The following WDR1 variants were observed in gnomAD, a reference collection of about 807,000 sequenced individuals.
WDR1 encodes the protein WD repeat domain 1, also known as WD repeat-containing protein 1.
A neutral mutation model predicts 71.9 loss-of-function variants in WDR1; 21 were observed. The observed-to-expected ratio is 0.29, with a 90% confidence interval of 0.21 to 0.42. WDR1 has a LOEUF of 0.42. WDR1 is among the 10% of genes least tolerant of loss of function. The pLI is 1.00. For missense variants in WDR1, 696 were observed against 824.5 expected, an observed-to-expected ratio of 0.84 and a Z score of 1.91; for synonymous variants, 424 against 347.4, an observed-to-expected ratio of 1.22 and a Z score of -2.45.
At chr4:10,099,510 C>G (rs1391950614) in intron 3 of WDR1, among the ~76,000 whole-genome samples, 1 of 152,268 alleles carries the variant, frequency 6.6e-6, no homozygotes, top group African/African-American at 2.4e-5. Context: ...CACTGTGTTT[C>G]TTTTCTTGTA....
intron 8 of WDR1, 37 bp from the exon 9 acceptor site, chr4:10,084,567 C>G (rs754147381): frequency 6.3e-7 from 1 of 1,589,042 alleles, no homozygotes; most frequent in Non-Finnish European, 8.6e-7. Flanking sequence ...AAGCTGATGA[C>G]ACACTGCCCT....
At chr4:10,088,850 A>C (rs1711776679) in intron 5 of WDR1, 109 bp from the exon 6 acceptor site, 1 of 860,124 alleles carries the variant, frequency 1.2e-6, no homozygotes, top group Non-Finnish European at 1.9e-6. Flanking sequence ...ATCAGTGTGA[A>C]CTGTTAGTCC....
At chr4:10,091,119 G>A (rs993186337) in intron 5 of WDR1, among the ~76,000 whole-genome samples, 1 of 152,254 alleles carries the variant, frequency 6.6e-6, no homozygotes, top group Admixed American at 6.5e-5. Flanking sequence ...GTACCCAGGC[G>A]GGCCCAGGGC....
chr4:10,096,348 C>T (rs1361174320), intron 5 of WDR1: 2 of 152,312 alleles, frequency 1.3e-5, no homozygotes, highest in East Asian at 3.8e-4. Flanking sequence ...TGCCTCCACC[C>T]TAGCGAAGAA....
At chr4:10,100,216 G>GGGCA (rs1412139745) in intron 3 of WDR1, among the ~76,000 whole-genome samples, 1 of 152,210 alleles carries the variant, frequency 6.6e-6, no homozygotes, top group Non-Finnish European at 1.5e-5. Flanking sequence ...GCTCAAAGGA[G>GGGCA]GGCAGCAGCT....
At chr4:10,084,565 G>A (rs1346645066) in intron 8 of WDR1, 35 bp from the exon 9 acceptor site, 3 of 1,594,940 alleles carry the variant, frequency 1.9e-6, no homozygotes, top group South Asian at 1.1e-5. Flanking sequence ...GTAAGCTGAT[G>A]ACACACTGCC....
intron 2 of WDR1, chr4:10,115,789 A>C: frequency 4.4e-6 from 1 of 228,850 alleles, no homozygotes; most frequent in South Asian, 7.1e-5. Context: ...GAATGAACTA[A>C]TCTAATCTCC....
Position 10,116,753 on chromosome 4 carries a change from C to A in WDR1, c.-87G>T, listed in dbSNP as rs11557743. On this transcript the variant is annotated 5_prime_UTR_variant, in exon 1 of 15. Transcript: ENST00000499869. ...AATTACACCTCGCCGAGGCCGAGCC[C>A]GGGGACTGGAGCCGGAAGGCGGCAC... 3.4e-4 allele frequency: 421 copies of A among 1,246,610 alleles called. 7 individuals carry two copies. The South Asian group carries it at 9.9e-3, about 29-fold the overall frequency. The allele number at this position is 1,246,610 out of a possible 1,614,324, so 77.2% of individuals were successfully genotyped here.
chr4:10,078,408 G>A (rs1021774001), intron 12 of WDR1, among the ~76,000 whole-genome samples: 1 of 152,208 alleles, frequency 6.6e-6, no homozygotes, highest in Non-Finnish European at 1.5e-5. Flanking sequence ...TGAGAATTAT[G>A]CCGAGGCAGA....
At chr4:10,091,299 GT>G in intron 5 of WDR1, among the ~76,000 whole-genome samples, 1 of 152,300 alleles carries the variant, frequency 6.6e-6, no homozygotes, top group African/African-American at 2.4e-5. Context: ...AATGGTCTGT[GT>G]TCTAAGTTTT....
chr4:10,097,694 A>G lies in WDR1; in HGVS notation c.558+17T>C, dbSNP rs778528162. 4.4e-5 allele frequency: 70 copies of G among 1,601,064 alleles called. No individual in the cohort carries two copies. The Admixed American group carries it at 5.4e-4, about 12-fold the overall frequency. ...TGTACAAACCACAAATTTCACCCAA[A>G]AAGTAAGTTCACTTACGCCAATTGT... On this transcript the variant is annotated intron_variant, in intron 5 of 14. Transcript: ENST00000499869.
chr4:10,101,641 G>T (rs1223568528), intron 3 of WDR1, among the ~76,000 whole-genome samples: 1 of 152,216 alleles, frequency 6.6e-6, no homozygotes, highest in African/African-American at 2.4e-5. Context: ...TCTGTCCTTT[G>T]CAACAGTCTC....
chr4:10,099,170 G>GGGGGGGGT, intron 3 of WDR1, 31 bp from the exon 4 acceptor site: 1 of 802,002 alleles, frequency 1.2e-6, no homozygotes, highest in Non-Finnish European at 2.0e-6. Context: ...GGGAGGGGGG[G>GGGGGGGGT]AGGCGGTGGT....
intron 5 of WDR1, 43 bp downstream of exon 5, chr4:10,097,668 A>G: frequency 6.3e-7 from 1 of 1,584,232 alleles, no homozygotes; most frequent in South Asian, 1.2e-5. Flanking sequence ...TGCTAGCCTC[A>G]TGTACAAACC....
rs900368507 is a variant in WDR1 at position 10,083,291 on chromosome 4, G to A, written c.1040-113C>T. 1.6e-5 allele frequency: 22 copies of A among 1,339,588 alleles called. No individual in the cohort carries two copies. The African/African-American group carries it at 2.1e-4, about 12-fold the overall frequency. 83.0% of individuals were successfully genotyped at this position (1,339,588 alleles called of 1,614,324 possible). ...CAAGAATGAGAATCTCGCCGCAAACGGACATAACCATTCCCCCTGGGAAGC... is the reference window on the plus strand; with the variant it reads ...CAAGAATGAGAATCTCGCCGCAAACAGACATAACCATTCCCCCTGGGAAGC... On this transcript the variant is annotated intron_variant, in intron 9 of 14. Coordinates refer to ENST00000499869, the MANE Select transcript of WDR1 (RefSeq NM_017491.5).
At chr4:10,104,213 G>A (rs1453926611) in intron 2 of WDR1, among the ~76,000 whole-genome samples, 1 of 152,176 alleles carries the variant, frequency 6.6e-6, no homozygotes, top group African/African-American at 2.4e-5. Flanking sequence ...CTTAGTCTAT[G>A]ACTGTACAAC....
At chr4:10,077,479 C>T in intron 13 of WDR1, 31 bp from the exon 14 acceptor site, 2 of 1,613,632 alleles carry the variant, frequency 1.2e-6, no homozygotes, top group Non-Finnish European at 1.7e-6. Context: ...AGAGAGGTGG[C>T]AGGTCAGGTT....
intron 5 of WDR1, among the ~76,000 whole-genome samples, chr4:10,094,464 C>G (rs542597996): frequency 6.6e-6 from 1 of 152,214 alleles, no homozygotes; most frequent in Non-Finnish European, 1.5e-5. Flanking sequence ...ATCCCAGGAG[C>G]CTGCCTGGCA....
At chr4:10,114,696 A>T (rs759208511) in intron 2 of WDR1, among the ~76,000 whole-genome samples, 1 of 152,220 alleles carries the variant, frequency 6.6e-6, no homozygotes, top group African/African-American at 2.4e-5. Context: ...GCCTTCGGAG[A>T]CTTCCAGATC....
Sources: allele counts gnomAD v4.1 joint callset (sites outside exome capture counted in the v4.1 genomes callset), GRCh38; gene constraint gnomAD v4.1.1; transcripts MANE v1.5; gene names NCBI Gene and HGNC (gene_info 2026-07-23, HGNC 2026-07-21).